TENM2: variants seen among roughly 807,000 people sequenced by gnomAD.
The protein encoded by TENM2 is teneurin-2.
In TENM2, 52 loss-of-function variants were observed where a neutral mutation model predicts 245.2. The ratio of observed to expected loss-of-function variants is 0.21; its 90% CI spans 0.17 to 0.27. The LOEUF is 0.27. Ranked by LOEUF, TENM2 falls within the 10% of genes least tolerant of loss-of-function variation. The pLI, the probability that TENM2 is intolerant of heterozygous loss-of-function variation, is 1.00. For synonymous variants in TENM2, 1,363 were observed against 1,438.9 expected (o/e 0.95, Z 1.19); for missense variants, 3,046 against 3,666.8 (o/e 0.83, Z 4.37).
chr5:167,752,989 A>G (rs1762058760), intron 2 of TENM2, among the ~76,000 whole-genome samples: 1 of 152,182 alleles, frequency 6.6e-6, no homozygotes, highest in African/African-American at 2.4e-5. Flanking sequence ...TTTTTAGCCA[A>G]GGGGATGGTT....
chr5:167,626,747 C>G (rs1276465029), intron 2 of TENM2, among the ~76,000 whole-genome samples: 1 of 152,150 alleles, frequency 6.6e-6, no homozygotes, highest in African/African-American at 2.4e-5. Flanking sequence ...ATCATTGGCA[C>G]TCTCATGATA....
the TENM2 span, among the ~76,000 whole-genome samples, chr5:167,276,960 A>G: frequency 2.6e-5 from 4 of 151,744 alleles, no homozygotes; most frequent in Admixed American, 2.0e-4. Context: ...CTGTAATGAT[A>G]CCTCCTGTTT....
At chr5:167,408,477 G>A (rs759176070) in intron 2 of TENM2, among the ~76,000 whole-genome samples, 1 of 151,896 alleles carries the variant, frequency 6.6e-6, no homozygotes, top group African/African-American at 2.4e-5. Context: ...AGAGCTTCAG[G>A]TGATAAATGA....
chr5:167,322,181 A>G (rs1581740946), intron 1 of TENM2, among the ~76,000 whole-genome samples: 1 of 147,542 alleles, frequency 6.8e-6, no homozygotes, highest in South Asian at 2.1e-4. Context: ...TGTGTTTATG[A>G]TGCTCGTGTA....
intron 20 of TENM2, among the ~76,000 whole-genome samples, chr5:168,213,821 GA>G (rs775979366): frequency 2.2e-4 from 33 of 152,084 alleles, no homozygotes; most frequent in Admixed American, 7.2e-4. Context: ...CCCTGTCTCT[GA>G]GAAAAATAAA....
At chr5:168,021,710 C>G (rs2151909927) in intron 5 of TENM2, among the ~76,000 whole-genome samples, 1 of 151,962 alleles carries the variant, frequency 6.6e-6, no homozygotes, top group Non-Finnish European at 1.5e-5. Context: ...CTCAGCAGGT[C>G]AAACAATCAT....
chr5:167,993,488 G>A (rs1009625654), intron 5 of TENM2, among the ~76,000 whole-genome samples: 1 of 152,218 alleles, frequency 6.6e-6, no homozygotes, highest in African/African-American at 2.4e-5. Flanking sequence ...CACTCTCAGA[G>A]TGGCCTTCTA....
chr5:167,196,542 ATGTGTGTATATATATATG>A, the TENM2 span, among the ~76,000 whole-genome samples: 6 of 148,816 alleles, frequency 4.0e-5, no homozygotes, highest in African/African-American at 1.5e-4. Context: ...GTGTACATAT[ATGTGTGTATATATATATG>A]TGTGTGTATA....
chr5:167,934,907 C>T (rs1778579068), intron 3 of TENM2: 2 of 985,390 alleles, frequency 2.0e-6, no homozygotes, highest in Non-Finnish European at 2.4e-6. Context: ...CTGCACTGCC[C>T]TTGAGTCGTC....
chr5:167,579,944 G>GC (rs1774974253), intron 2 of TENM2, among the ~76,000 whole-genome samples: 1 of 152,176 alleles, frequency 6.6e-6, no homozygotes, highest in African/African-American at 2.4e-5. Context: ...AAGGATTTCT[G>GC]TAATTGGAGA....
At position 168,021,804 on chromosome 5, in the gene TENM2, C is replaced by T. The variant is rs777928947; in HGVS notation, c.1187-25623C>T. 3.0e-3 allele frequency among the ~76,000 whole-genome samples: 445 copies of T among 149,448 alleles called. 4 individuals carry two copies. The highest frequency in any genetic ancestry group is 3.9e-3 in the Non-Finnish European group (266 of 67,598). On this transcript the variant is annotated intron_variant, in intron 5 of 28. Transcript: ENST00000518659. ...TTTTTTTTTTTTTCTATTTTAAAGGCAGATTCCACTGAATGCTGCAAAAGT... is the reference window on the plus strand; with the variant it reads ...TTTTTTTTTTTTTCTATTTTAAAGGTAGATTCCACTGAATGCTGCAAAAGT...
At chr5:167,645,822 G>A (rs2150266297) in intron 2 of TENM2, among the ~76,000 whole-genome samples, 1 of 151,748 alleles carries the variant, frequency 6.6e-6, no homozygotes, top group African/African-American at 2.4e-5. Context: ...AAAACAAAAG[G>A]CAAATATATA....
intron 2 of TENM2, among the ~76,000 whole-genome samples, chr5:167,486,033 T>C (rs993930930): frequency 1.3e-5 from 2 of 152,056 alleles, no homozygotes; most frequent in Admixed American, 1.3e-4. Context: ...CTCCCCTTAG[T>C]AGTCTTTTCT....
At chr5:168,079,655 G>A (rs1218526774) in intron 7 of TENM2, among the ~76,000 whole-genome samples, 1 of 152,106 alleles carries the variant, frequency 6.6e-6, no homozygotes, top group Non-Finnish European at 1.5e-5. Context: ...GTTGAATTTT[G>A]TCAAAGGCCT....
intron 2 of TENM2, among the ~76,000 whole-genome samples, chr5:167,852,127 A>G (rs1231049423): frequency 1.3e-5 from 2 of 152,218 alleles, no homozygotes; most frequent in East Asian, 1.9e-4. Context: ...GTGTGTATAT[A>G]TATTTGTTAA....
At chr5:168,144,372 T>C in intron 12 of TENM2, among the ~76,000 whole-genome samples, 1 of 144,186 alleles carries the variant, frequency 6.9e-6, no homozygotes. Flanking sequence ...GATATTCCCC[T>C]TCCTGTGTGC....
chr5:167,078,129 G>C, the TENM2 span, among the ~76,000 whole-genome samples: 1 of 152,034 alleles, frequency 6.6e-6, no homozygotes, highest in Non-Finnish European at 1.5e-5. Flanking sequence ...AAGGTCAAGT[G>C]GGTATGTTTG....
chr5:168,238,182 A>G (rs10052547), intron 25 of TENM2, among the ~76,000 whole-genome samples: 1,563 of 43,800 alleles, frequency 0.036, 118 homozygotes, highest in African/African-American at 0.14. Flanking sequence ...AGAGAGAGAG[A>G]GAGGGAGGGA....
intron 2 of TENM2, among the ~76,000 whole-genome samples, chr5:167,607,628 G>A (rs907810361): frequency 6.6e-6 from 1 of 152,292 alleles, no homozygotes; most frequent in Non-Finnish European, 1.5e-5. Context: ...TTGCCGTGCT[G>A]GCACCCAGTT....
Sources: allele counts gnomAD v4.1 joint callset (sites outside exome capture counted in the v4.1 genomes callset), GRCh38; gene constraint gnomAD v4.1.1; transcripts MANE v1.5; gene names NCBI Gene and HGNC (gene_info 2026-07-23, HGNC 2026-07-21).